Variants in DNAI7 observed in about 807,000 individuals in gnomAD.
DNAI7 encodes dynein axonemal intermediate chain 7.
DNAI7 carries 78 observed loss-of-function variants against 86.6 expected under a neutral mutation model. That is an observed-to-expected ratio of 0.90 (90% CI 0.75 to 1.09). The LOEUF (loss-of-function observed/expected upper bound fraction) is 1.09. Among genes scored for constraint, DNAI7 ranks in the 50% least tolerant of loss-of-function variants. DNAI7 has a pLI of 0.00. For synonymous variants in DNAI7, 274 were observed against 273.0 expected (o/e 1.00, Z -0.04); for missense variants, 753 against 810.2 (o/e 0.93, Z 0.86).
chr12:25,122,448 C>CA (rs34138209), intron 10 of DNAI7, among the ~76,000 whole-genome samples: 7,659 of 76,372 alleles, frequency 0.1, 400 homozygotes, highest in African/African-American at 0.13. Context: ...GATCTCATCT[C>CA]AAAAAAAAAA....
chr12:25,148,531 T>G (rs1467651671), intron 7 of DNAI7, among the ~76,000 whole-genome samples: 1 of 152,174 alleles, frequency 6.6e-6, no homozygotes, highest in African/African-American at 2.4e-5. Flanking sequence ...GGATCCTTAT[T>G]TGAAACAGTT....
At chr12:25,115,241 TCA>T (rs1168792152) in intron 12 of DNAI7, among the ~76,000 whole-genome samples, 1 of 152,246 alleles carries the variant, frequency 6.6e-6, no homozygotes, top group Non-Finnish European at 1.5e-5. Context: ...CCCTAATCTT[TCA>T]GAGAAACTCT....
chr12:25,140,188 T>C (rs983851117), intron 9 of DNAI7, among the ~76,000 whole-genome samples: 2 of 152,110 alleles, frequency 1.3e-5, no homozygotes, highest in Non-Finnish European at 2.9e-5. Context: ...CTGGAAGTCC[T>C]AGCCAGAGCA....
chr12:25,137,534 C>T (rs1208591337), intron 9 of DNAI7, among the ~76,000 whole-genome samples: 1 of 151,970 alleles, frequency 6.6e-6, no homozygotes, highest in Non-Finnish European at 1.5e-5. Context: ...TAGAATAGTA[C>T]CTCACATCTC....
intron 9 of DNAI7, among the ~76,000 whole-genome samples, chr12:25,136,177 C>A (rs1943533216): frequency 6.6e-6 from 1 of 152,224 alleles, no homozygotes; most frequent in African/African-American, 2.4e-5. Context: ...CTGCTACCTC[C>A]ACTAGAGCAG....
Position 25,121,644 on chromosome 12 carries a change from C to A in DNAI7, c.1239+109G>T. ...AAGACAGTTTAAAATTACATTTTTT[C>A]CTTTGTGTTTAATAAGGTTAAAGCT... On this transcript the variant is annotated intron_variant, in intron 11 of 15. Coordinates refer to ENST00000395987, the MANE Select transcript of DNAI7 (RefSeq NM_018272.5). 7 of 843,966 alleles carry A rather than the reference C, an allele frequency of 8.3e-6. 1 individual carries two copies. The South Asian group carries it at 1.3e-4, about 15-fold the overall frequency. The allele number at this position is 843,966 out of a possible 1,614,324, so 52.3% of individuals were successfully genotyped here. A position where few individuals can be genotyped will look rare whatever the true frequency, so the allele number is the denominator to read the frequency against.
rs71065917 is a variant in DNAI7, at chr12:25,182,605, TACACAC to T, written c.21+8003_21+8008del. Among the ~76,000 whole-genome samples the T allele has an allele frequency of 8.3e-5, 11 of 132,098 alleles. No individual in the cohort carries two copies. In the South Asian group the frequency reaches 2.4e-3, roughly 28 times the overall value. 86.7% of individuals were successfully genotyped at this position (132,098 alleles called of 152,430 possible). ...GCCAGAGTGATAGAGTGAGACTGTC[TACACAC>T]ACACACACACACACACACACACACA... On this transcript the variant is annotated intron_variant, in intron 2 of 15. Transcript: ENST00000395987.
chr12:25,136,685 A>T (rs983693873), intron 9 of DNAI7, among the ~76,000 whole-genome samples: 1 of 152,218 alleles, frequency 6.6e-6, no homozygotes, highest in Non-Finnish European at 1.5e-5. Context: ...GGATAAAAAA[A>T]TCTCCAGAGA....
chr12:25,130,054 G>A (rs532476337), intron 9 of DNAI7, among the ~76,000 whole-genome samples: 2 of 151,896 alleles, frequency 1.3e-5, no homozygotes, highest in South Asian at 4.2e-4. Flanking sequence ...GAGACACCAC[G>A]CCCAGCCTAT....
intron 6 of DNAI7, among the ~76,000 whole-genome samples, chr12:25,152,004 A>G (rs1945606022): frequency 6.6e-6 from 1 of 152,184 alleles, no homozygotes; most frequent in Admixed American, 6.5e-5. Context: ...TAATAGGAAT[A>G]AGAGTAGTGA....
intron 6 of DNAI7, among the ~76,000 whole-genome samples, chr12:25,150,158 A>G (rs1360017055): frequency 6.6e-6 from 1 of 152,200 alleles, no homozygotes; most frequent in Non-Finnish European, 1.5e-5. Context: ...AAGATCCTCA[A>G]TGGCTACCTA....
At position 25,149,916 on chromosome 12, in the gene DNAI7, T is replaced by C. The variant is rs1945298117; in HGVS notation, c.439-142A>G. ...AACCTTTCCTGTATTTATTCTGTAA[T>C]TTAAGATCATAAACAAAAATTTCCT... On this transcript the variant is annotated intron_variant, in intron 6 of 15. Transcript: ENST00000395987. 3 of 548,374 alleles carry C rather than the reference T, an allele frequency of 5.5e-6. No individual in the cohort carries two copies. In the East Asian group the frequency reaches 9.2e-5, roughly 17 times the overall value. 34.0% of individuals were successfully genotyped at this position (548,374 alleles called of 1,614,324 possible).
At chr12:25,145,946 G>A (rs1219947201) in intron 8 of DNAI7, among the ~76,000 whole-genome samples, 1 of 152,168 alleles carries the variant, frequency 6.6e-6, no homozygotes, top group African/African-American at 2.4e-5. Flanking sequence ...ATGTTTGCCG[G>A]GCGCAGTGGC....
chr12:25,159,494 A>C (rs1174555388), intron 3 of DNAI7, among the ~76,000 whole-genome samples: 1 of 152,178 alleles, frequency 6.6e-6, no homozygotes. Context: ...TAAAAAAATA[A>C]AAAATAAGCC....
chr12:25,125,815 T>C lies in DNAI7; in HGVS notation c.1003-2529A>G, dbSNP rs560774207. Among the ~76,000 whole-genome samples, 6 of 152,286 alleles carry C rather than the reference T, an allele frequency of 3.9e-5. No individual in the cohort carries two copies. The East Asian group carries it at 9.6e-4, about 24-fold the overall frequency. On this transcript the variant is annotated intron_variant, in intron 9 of 15. Coordinates refer to ENST00000395987, the MANE Select transcript of DNAI7 (RefSeq NM_018272.5). ...GTATAAGAAAGAGGTACAGTTTCAA[T>C]CTTCTGCATATGGCTAGCCAGTTAT... is the stretch of plus-strand genomic sequence containing the variant.
intron 11 of DNAI7, among the ~76,000 whole-genome samples, chr12:25,121,530 G>C (rs950375948): frequency 4.6e-5 from 7 of 152,112 alleles, no homozygotes; most frequent in African/African-American, 1.7e-4. Flanking sequence ...AATTTACAAT[G>C]AAGTTAACAT....
At chr12:25,156,110 C>CA (rs71065914) in intron 4 of DNAI7, among the ~76,000 whole-genome samples, 47 of 145,676 alleles carry the variant, frequency 3.2e-4, no homozygotes, top group African/African-American at 7.3e-4. Flanking sequence ...AATCACGTTA[C>CA]AAAAAAAAAA....
chr12:25,172,374 AC>A (rs1212328682), intron 2 of DNAI7, among the ~76,000 whole-genome samples: 1 of 152,142 alleles, frequency 6.6e-6, no homozygotes, highest in African/African-American at 2.4e-5. Flanking sequence ...AAAATAAAAT[AC>A]TTAGGAATAT....
chr12:25,185,067 G>A (rs1210148796), intron 2 of DNAI7, among the ~76,000 whole-genome samples: 2 of 152,104 alleles, frequency 1.3e-5, no homozygotes, highest in African/African-American at 2.4e-5. Flanking sequence ...GAGCCTGGGA[G>A]GTTGAGGCTA....
Sources: allele counts gnomAD v4.1 joint callset (sites outside exome capture counted in the v4.1 genomes callset), GRCh38; gene constraint gnomAD v4.1.1; transcripts MANE v1.5; gene names NCBI Gene and HGNC (gene_info 2026-07-23, HGNC 2026-07-21).